The following JKAMP variants were observed in gnomAD, a reference collection of about 807,000 sequenced individuals.
JKAMP encodes JNK1/MAPK8-associated membrane protein.
A neutral mutation model predicts 40.2 loss-of-function variants in JKAMP; 20 were observed. The observed-to-expected ratio is 0.50, with a 90% CI of 0.35 to 0.72. JKAMP has a LOEUF of 0.72. Among genes scored for constraint, JKAMP ranks in the 30% least tolerant of loss-of-function variants. The pLI is 0.01. For missense variants in JKAMP, 276 were observed against 373.0 expected (o/e 0.74, Z 2.14); for synonymous variants, 138 against 131.6 (o/e 1.05, Z -0.33).
rs1319507852 is a variant in JKAMP, at chr14:59,505,275, C to T, written c.*1203C>T. ...ATGTATTTTTCTCAGTACATTTAAC[C>T]ACTGGGAAATGAACCCTTGTACGAA... On this transcript the variant is annotated 3_prime_UTR_variant, in exon 7 of 7. Transcript: ENST00000616435. 1 of 1,509,252 alleles carries T rather than the reference C, an allele frequency of 6.6e-7. No homozygotes were observed. The highest frequency in any genetic ancestry group is 8.9e-7 in the Non-Finnish European group (1 of 1,128,238). 93.5% of individuals were successfully genotyped at this position (1,509,252 alleles called of 1,614,324 possible).
Position 59,504,298 on chromosome 14 carries a change from G to T in JKAMP, c.*226G>T. On this transcript the variant is annotated 3_prime_UTR_variant, in exon 7 of 7. Transcript: ENST00000616435. ...CAGGGTAATATTATCTGCTACACTG[G>T]AAGGCCGCTAGGAAGCCCTTGCTTC... 1 of 499,532 alleles carries T rather than the reference G, an allele frequency of 2.0e-6. No homozygotes were observed. Among genetic ancestry groups the T allele is most frequent in the Non-Finnish European group, 3.5e-6 (1 of 282,958 alleles). The allele number at this position is 499,532 out of a possible 1,614,324, so 30.9% of individuals were successfully genotyped here. A position where few individuals can be genotyped will look rare whatever the true frequency, so the allele number is the denominator to read the frequency against.
intron 6 of JKAMP, among the ~76,000 whole-genome samples, chr14:59,502,194 C>G (rs72711000): frequency 0.013 from 1,998 of 152,192 alleles, 25 homozygotes; most frequent in African/African-American, 0.038. Flanking sequence ...ATATTAGTAA[C>G]TGTTATACAT....
chr14:59,484,531 C>CGGTGCAGCTGCCAGATCCGCTGATCT lies in JKAMP; in HGVS notation c.-58_-33dup. 1.3e-6 allele frequency: 2 copies of CGGTGCAGCTGCCAGATCCGCTGATCT among 1,555,774 alleles called. No individual in the cohort carries two copies. Among genetic ancestry groups the CGGTGCAGCTGCCAGATCCGCTGATCT allele is most frequent in the Admixed American group, 3.9e-5 (2 of 51,686 alleles). ...CCGAGCTCGCTGTGGCCCGGATGTT[C>CGGTGCAGCTGCCAGATCCGCTGATCT]GGTGCAGCTGCCAGATCCGCTGATC... On this transcript the variant is annotated 5_prime_UTR_variant, in exon 1 of 7. An upstream open reading frame in the 5' UTR gains an earlier in-frame stop. Coordinates refer to ENST00000616435, the MANE Select transcript of JKAMP (RefSeq NM_016475.5).
intron 6 of JKAMP, among the ~76,000 whole-genome samples, chr14:59,502,776 G>C (rs1317685547): frequency 1.9e-5 from 1 of 53,614 alleles, no homozygotes; most frequent in African/African-American, 1.4e-4. Context: ...TTTTTTTTCG[G>C]AGTCTCACTC....
chr14:59,496,792 C>T (rs1891484694), intron 4 of JKAMP, among the ~76,000 whole-genome samples: 1 of 152,150 alleles, frequency 6.6e-6, no homozygotes, highest in Admixed American at 6.5e-5. Context: ...AGCACCCTTA[C>T]CAACAGTCAT....
intron 4 of JKAMP, 72 bp downstream of exon 4, chr14:59,495,296 G>A (rs778710051): frequency 1.2e-4 from 150 of 1,206,026 alleles, no homozygotes; most frequent in South Asian, 6.8e-4. Context: ...ATTTTATGGC[G>A]TTTGGAGACA....
chr14:59,487,593 A>T (rs558361836), intron 2 of JKAMP, 81 bp from the exon 3 acceptor site: 1 of 996,128 alleles, frequency 1.0e-6, no homozygotes, highest in Non-Finnish European at 1.5e-6. Flanking sequence ...CTGAAATGGG[A>T]TGTCTTATAG....
At chr14:59,498,246 ATGTAT>A (rs1891597950) in intron 4 of JKAMP, among the ~76,000 whole-genome samples, 1 of 152,208 alleles carries the variant, frequency 6.6e-6, no homozygotes, top group Non-Finnish European at 1.5e-5. Context: ...TTGGCACTTA[ATGTAT>A]TAGGCACAGT....
At chr14:59,503,399 T>A (rs1460852031) in intron 6 of JKAMP, among the ~76,000 whole-genome samples, 1 of 152,218 alleles carries the variant, frequency 6.6e-6, no homozygotes, top group African/African-American at 2.4e-5. Context: ...TTCTGCCCCC[T>A]TACTATTCAT....
intron 3 of JKAMP, among the ~76,000 whole-genome samples, chr14:59,488,503 T>C (rs1890752200): frequency 6.6e-6 from 1 of 152,090 alleles, no homozygotes; most frequent in Non-Finnish European, 1.5e-5. Flanking sequence ...GCATGAATAA[T>C]GGCATAGAGG....
intron 3 of JKAMP, among the ~76,000 whole-genome samples, chr14:59,492,230 A>G (rs1891071254): frequency 6.6e-6 from 1 of 152,098 alleles, no homozygotes; most frequent in South Asian, 2.1e-4. Flanking sequence ...ACTTTTAGAA[A>G]TGAAAGTTTA....
intron 6 of JKAMP, among the ~76,000 whole-genome samples, chr14:59,502,656 A>G (rs186324300): frequency 6.6e-5 from 10 of 152,164 alleles, no homozygotes; most frequent in Admixed American, 5.9e-4. Context: ...ATAATTAAAG[A>G]AGATAGGAAA....
chr14:59,491,674 A>G (rs960794221), intron 3 of JKAMP, among the ~76,000 whole-genome samples: 2 of 152,234 alleles, frequency 1.3e-5, no homozygotes, highest in African/African-American at 2.4e-5. Context: ...AAGATAAACT[A>G]TGTGAGACAT....
chr14:59,504,080 CAT>C lies in JKAMP; in HGVS notation c.*9_*10del, dbSNP rs377472890. ...GGAGCCAATGGACACTGAGTGTAGA[CAT>C]GTGAAATGCCAAAAACCTGAGAAGT... On this transcript the variant is annotated 3_prime_UTR_variant, in exon 7 of 7. Transcript: ENST00000616435. The C allele has an allele frequency of 3.8e-6, 6 of 1,579,824 alleles. No individual in the cohort carries two copies. In the African/African-American group the frequency reaches 6.7e-5, roughly 18 times the overall value.
intron 5 of JKAMP, among the ~76,000 whole-genome samples, chr14:59,500,584 T>G (rs1480656050): frequency 6.6e-6 from 1 of 152,220 alleles, no homozygotes; most frequent in Admixed American, 6.5e-5. Flanking sequence ...TAAATGACCT[T>G]TTCTAAAGAT....
rs372772802 is a variant in JKAMP at position 59,498,804 on chromosome 14, T to C, written c.536T>C (p.Ile179Thr). Residue 179 changes from isoleucine to threonine, a missense_variant, in exon 5 of 7, where the codon ATT becomes ACT. Coordinates refer to ENST00000616435, the MANE Select transcript of JKAMP (RefSeq NM_016475.5). ...CTCCGACCTCTTCTGGTGAAGAAGA[T>C]TGCATGTGGGTTAGGGAAATCTGAT... ...MLLRPLLVKK[I>T]ACGLGKSDRF... The C allele has an allele frequency of 1.9e-6, 3 of 1,609,858 alleles. No individual in the cohort carries two copies. The highest frequency in any genetic ancestry group is 2.7e-5 in the African/African-American group (2 of 74,832).
chr14:59,505,060 A>G lies in JKAMP; in HGVS notation c.*988A>G, dbSNP rs1204503107. On this transcript the variant is annotated 3_prime_UTR_variant, in exon 7 of 7. Coordinates refer to ENST00000616435, the MANE Select transcript of JKAMP (RefSeq NM_016475.5). ...TAGCTCTTAACCTAACAACCTGACC[A>G]TGTTTATCCATTTTTATTGTTTAGA... 7.4e-6 allele frequency: 3 copies of G among 402,830 alleles called. No homozygotes were observed. Among genetic ancestry groups the G allele is most frequent in the Middle Eastern group, 6.3e-4 (1 of 1,590 alleles). The allele number at this position is 402,830 out of a possible 1,614,324, so 25.0% of individuals were successfully genotyped here.
chr14:59,491,436 G>A (rs1465755788), intron 3 of JKAMP, among the ~76,000 whole-genome samples: 1 of 152,224 alleles, frequency 6.6e-6, no homozygotes, highest in Non-Finnish European at 1.5e-5. Context: ...AAGAAGACCA[G>A]TTAAGAAGGT....
At chr14:59,501,066 G>T in intron 5 of JKAMP, 125 bp from the exon 6 acceptor site, 1 of 625,522 alleles carries the variant, frequency 1.6e-6, no homozygotes, top group Non-Finnish European at 2.7e-6. Flanking sequence ...ACCTTAGGTT[G>T]TAAGTCTCAC....
Sources: allele counts gnomAD v4.1 joint callset (sites outside exome capture counted in the v4.1 genomes callset), GRCh38; gene constraint gnomAD v4.1.1; transcripts MANE v1.5; gene names NCBI Gene and HGNC (gene_info 2026-07-23, HGNC 2026-07-21).